RANBP10: variants seen among roughly 807,000 people sequenced by gnomAD.
RANBP10 encodes ran-binding protein 10.
A neutral mutation model predicts 72.8 loss-of-function variants in RANBP10; 24 were observed. That is an observed-to-expected ratio of 0.33 (90% CI 0.24 to 0.46). RANBP10 has a LOEUF of 0.46. Among genes scored for constraint, RANBP10 ranks in the 20% least tolerant of loss-of-function variants. RANBP10 has a pLI of 1.00. For missense variants in RANBP10, 679 were observed against 817.5 expected (o/e 0.83, Z 2.07); for synonymous variants, 310 against 322.3 (o/e 0.96, Z 0.41).
intron 2 of RANBP10, among the ~76,000 whole-genome samples, chr16:67,774,637 T>C (rs1238746912): frequency 6.6e-6 from 1 of 152,150 alleles, no homozygotes; most frequent in Admixed American, 6.5e-5. Context: ...TTGGGCACCA[T>C]TCCACCTCTA....
intron 5 of RANBP10, among the ~76,000 whole-genome samples, chr16:67,737,753 G>A (rs1024256835): frequency 3.3e-5 from 5 of 151,988 alleles, no homozygotes; most frequent in East Asian, 3.9e-4. Context: ...CACCCTACCC[G>A]CCCCAGCCCC....
At position 67,806,417 on chromosome 16, in the gene RANBP10, C is replaced by T. The variant is rs2055444345; in HGVS notation, c.120G>A (p.Gln40=). The T allele has an allele frequency of 1.9e-6, 3 of 1,601,912 alleles. No homozygotes were observed. Among genetic ancestry groups the T allele is most frequent in the African/African-American group, 1.3e-5 (1 of 74,640 alleles). Residue 40 remains glutamine (Q), a synonymous_variant, in exon 1 of 14, where the codon CAG becomes CAA. Coordinates refer to ENST00000317506, the MANE Select transcript of RANBP10 (RefSeq NM_020850.3). ...PGEQELSRRL[Q]RLYPAVNQQE... is the part of the protein sequence containing the mutation. ...GCTGGTTGACCGCGGGATACAGGCGCTGCAAGCGCCGGCTCAGCTCCTGCT... is the reference window on the plus strand; with the variant it reads ...GCTGGTTGACCGCGGGATACAGGCGTTGCAAGCGCCGGCTCAGCTCCTGCT...
intron 3 of RANBP10, among the ~76,000 whole-genome samples, chr16:67,759,021 G>C (rs767605373): frequency 6.6e-6 from 1 of 152,252 alleles, no homozygotes; most frequent in Non-Finnish European, 1.5e-5. Context: ...GGGAAGCAGA[G>C]AGCAAATTAT....
At chr16:67,749,122 G>C (rs1314589876) in intron 3 of RANBP10, among the ~76,000 whole-genome samples, 2 of 152,146 alleles carry the variant, frequency 1.3e-5, no homozygotes, top group Admixed American at 6.5e-5. Context: ...AATGAGAAAA[G>C]AAGGATAACA....
rs146336248 is a variant in RANBP10 at position 67,757,137 on chromosome 16, G to A, written c.401-12682C>T. Among the ~76,000 whole-genome samples the A allele has an allele frequency of 7.9e-5, 12 of 152,328 alleles. No homozygotes were observed. In the East Asian group the frequency reaches 2.3e-3, roughly 29 times the overall value. On this transcript the variant is annotated intron_variant, in intron 3 of 13. Transcript: ENST00000317506. ...GCAGGAGAATCGCTTGAACCTGGGA[G>A]GCAGAGGTTGCGGTGAGCCAAGATG... is the stretch of plus-strand genomic sequence containing the variant.
chr16:67,744,230 T>C, intron 4 of RANBP10, 58 bp downstream of exon 4: 1 of 1,574,750 alleles, frequency 6.4e-7, no homozygotes, highest in Non-Finnish European at 8.6e-7. Context: ...CCCCTGAGCC[T>C]CTCACCAACC....
chr16:67,791,110 T>A (rs1298859100), intron 2 of RANBP10, among the ~76,000 whole-genome samples: 1 of 150,942 alleles, frequency 6.6e-6, no homozygotes, highest in African/African-American at 2.4e-5. Flanking sequence ...GCCTCCCGGG[T>A]TGAAGCGATT....
At chr16:67,787,065 C>G (rs766052408) in intron 2 of RANBP10, among the ~76,000 whole-genome samples, 1 of 151,946 alleles carries the variant, frequency 6.6e-6, no homozygotes, top group African/African-American at 2.4e-5. Flanking sequence ...ATGGTGAAAC[C>G]CTGTCTCTAC....
intron 3 of RANBP10, chr16:67,759,643 C>T (rs1698711990): frequency 6.6e-6 from 1 of 152,340 alleles, no homozygotes. Flanking sequence ...CTGTGAAGTA[C>T]TGTAGATCCC....
intron 3 of RANBP10, among the ~76,000 whole-genome samples, chr16:67,744,868 T>C (rs2054039698): frequency 6.6e-6 from 1 of 152,220 alleles, no homozygotes; most frequent in African/African-American, 2.4e-5. Flanking sequence ...CTGTCATCCA[T>C]GCTGGAGTGC....
intron 3 of RANBP10, among the ~76,000 whole-genome samples, chr16:67,762,923 G>A (rs2054426871): frequency 6.6e-6 from 1 of 152,202 alleles, no homozygotes; most frequent in Non-Finnish European, 1.5e-5. Flanking sequence ...CAGGCAGGGT[G>A]GCAAGTGTCA....
In RANBP10 at chr16:67,735,037, G is replaced by C. The variant is rs910641177; in HGVS notation, c.597C>G (p.Asn199Lys). The stretch of plus-strand genomic sequence containing the variant: ...TCTGCAGGCCTACGGTGGGGTAGAG[G>C]TTGGCCTGAGGAGGAGAATGAAATG... ...LGIAFTDLPA[N>K]LYPTVGLQTP... Residue 199 changes from asparagine to lysine, a missense_variant, in exon 6 of 14, where the codon AAC becomes AAG. Physicochemically the swap from Asn to Lys is moderately conservative, Grantham distance 94. Transcript: ENST00000317506. The C allele has an allele frequency of 6.3e-7, 1 of 1,596,542 alleles. No homozygotes were observed. Among genetic ancestry groups the C allele is most frequent in the Non-Finnish European group, 8.6e-7 (1 of 1,168,368 alleles).
At chr16:67,806,226 T>G in intron 1 of RANBP10, 76 bp downstream of exon 1, 1 of 1,367,266 alleles carries the variant, frequency 7.3e-7, no homozygotes, top group Non-Finnish European at 1.0e-6. Flanking sequence ...AGGGAGGTGA[T>G]AGGGCGGGGG....
chr16:67,794,393 T>C (rs1262752591), intron 2 of RANBP10, among the ~76,000 whole-genome samples: 1 of 151,646 alleles, frequency 6.6e-6, no homozygotes, highest in Non-Finnish European at 1.5e-5. Flanking sequence ...GCCGAGGTCA[T>C]GCTGCTGCAC....
At chr16:67,734,683 G>T (rs1037261874) in intron 6 of RANBP10, among the ~76,000 whole-genome samples, 175 bp downstream of exon 6, 5 of 152,218 alleles carry the variant, frequency 3.3e-5, no homozygotes, top group African/African-American at 1.2e-4. Context: ...GGTGGGAGCT[G>T]TCCATCCGAC....
intron 5 of RANBP10, among the ~76,000 whole-genome samples, chr16:67,736,102 C>T (rs1338820883): frequency 6.6e-6 from 1 of 152,130 alleles, no homozygotes; most frequent in Non-Finnish European, 1.5e-5. Flanking sequence ...GATGGTCTTC[C>T]CAGGGCCCTC....
chr16:67,736,711 C>T (rs571786349), intron 5 of RANBP10, among the ~76,000 whole-genome samples: 1 of 152,312 alleles, frequency 6.6e-6, no homozygotes, highest in African/African-American at 2.4e-5. Context: ...ATGTCACGTC[C>T]CCATAACTAG....
At chr16:67,771,328 A>G (rs981260109) in intron 3 of RANBP10, among the ~76,000 whole-genome samples, 2 of 151,776 alleles carry the variant, frequency 1.3e-5, no homozygotes, top group African/African-American at 2.4e-5. Flanking sequence ...TCACTTAAAA[A>G]CTTTGATCTT....
intron 2 of RANBP10, among the ~76,000 whole-genome samples, chr16:67,803,497 A>G (rs148366622): frequency 6.6e-6 from 1 of 152,090 alleles, no homozygotes; most frequent in African/African-American, 2.4e-5. Flanking sequence ...CTAAAAATAC[A>G]AAATTAGCCT....
Sources: gnomAD v4.1 joint callset for allele counts (sites outside exome capture counted in the v4.1 genomes callset) on GRCh38, gnomAD v4.1.1 for gene constraint, MANE v1.5 for transcripts, NCBI Gene and HGNC (gene_info 2026-07-23, HGNC 2026-07-21) for gene names.